Variants in PHACTR3 observed in about 807,000 individuals in gnomAD.
PHACTR3 encodes protein phosphatase 1, regulatory subunit 123.
In PHACTR3, 16 loss-of-function variants were observed where a neutral mutation model predicts 66.8. That is an observed-to-expected ratio of 0.24 (90% confidence interval 0.16 to 0.36). The LOEUF (loss-of-function observed/expected upper bound fraction) is 0.36. Ranked by LOEUF, PHACTR3 falls within the 10% of genes least tolerant of loss-of-function variation. The pLI, the probability that PHACTR3 is intolerant of heterozygous loss-of-function variation, is 1.00. For missense variants in PHACTR3, 647 were observed against 719.9 expected, an observed-to-expected ratio of 0.90 and a Z score of 1.16; for synonymous variants, 323 against 292.1, an observed-to-expected ratio of 1.11 and a Z score of -1.08.
intron 1 of PHACTR3, among the ~76,000 whole-genome samples, chr20:59,590,712 A>G (rs1029147541): frequency 1.3e-5 from 2 of 152,202 alleles, no homozygotes; most frequent in African/African-American, 4.8e-5. Flanking sequence ...TAGAAACAGC[A>G]GAAATTTATT....
At chr20:59,724,707 A>T (rs1405360875) in intron 1 of PHACTR3, among the ~76,000 whole-genome samples, 1 of 152,154 alleles carries the variant, frequency 6.6e-6, no homozygotes, top group Non-Finnish European at 1.5e-5. Flanking sequence ...AGCTTGAGGC[A>T]TCTCTTTCAG....
intron 1 of PHACTR3, among the ~76,000 whole-genome samples, chr20:59,704,934 C>A (rs2037644809): frequency 1.3e-5 from 2 of 151,280 alleles, no homozygotes; most frequent in African/African-American, 4.9e-5. Flanking sequence ...CCTAGTATGT[C>A]TGTCCTAGTA....
chr20:59,719,281 C>T (rs2038204425), intron 1 of PHACTR3, among the ~76,000 whole-genome samples: 1 of 152,160 alleles, frequency 6.6e-6, no homozygotes, highest in African/African-American at 2.4e-5. Flanking sequence ...TTCTCTGCCT[C>T]AGCCTCCCGA....
intron 11 of PHACTR3, among the ~76,000 whole-genome samples, chr20:59,842,733 T>C (rs184671376): frequency 5.8e-4 from 88 of 152,316 alleles, no homozygotes; most frequent in African/African-American, 1.9e-3. Flanking sequence ...AGTTTACTCA[T>C]TATCTTGGTG....
At chr20:59,837,373 A>G (rs2058984960) in intron 9 of PHACTR3, among the ~76,000 whole-genome samples, 1 of 152,146 alleles carries the variant, frequency 6.6e-6, no homozygotes, top group Non-Finnish European at 1.5e-5. Context: ...TGAAGTTATA[A>G]TGGTACCAAG....
At chr20:59,833,381 A>T (rs1006796818) in intron 8 of PHACTR3, among the ~76,000 whole-genome samples, 1 of 152,256 alleles carries the variant, frequency 6.6e-6, no homozygotes, top group African/African-American at 2.4e-5. Context: ...TTTTCTGGGA[A>T]CATGGTCCGC....
intron 1 of PHACTR3, among the ~76,000 whole-genome samples, chr20:59,648,394 C>T (rs964728897): frequency 6.6e-6 from 1 of 152,148 alleles, no homozygotes; most frequent in African/African-American, 2.4e-5. Flanking sequence ...AATCACATGG[C>T]CTGATTGGGC....
In PHACTR3 at chr20:59,719,287, C is replaced by A. The variant is rs2038204995; in HGVS notation, c.119-23820C>A. 1.3e-5 allele frequency among the ~76,000 whole-genome samples: 2 copies of A among 152,134 alleles called. 1 individual carries two copies. Among genetic ancestry groups the A allele is most frequent in the South Asian group, 4.1e-4 (2 of 4,826 alleles). ...TTCAAGCAATTCTCTGCCTCAGCCT[C>A]CCGAGTAGCTGGGATTACAGGCGCC... On this transcript the variant is annotated intron_variant, in intron 1 of 12. Coordinates refer to ENST00000371015, the MANE Select transcript of PHACTR3 (RefSeq NM_080672.5).
Position 59,847,382 on chromosome 20 carries a change from T to C in PHACTR3, c.*252T>C, listed in dbSNP as rs1414837412. The stretch of plus-strand genomic sequence containing the variant: ...GGTCAGTTAAGACCCAACATAACTC[T>C]ATCAGAAGAAAACTGTTGTTTGCCT... On this transcript the variant is annotated 3_prime_UTR_variant, in exon 13 of 13. Coordinates refer to ENST00000371015, the MANE Select transcript of PHACTR3 (RefSeq NM_080672.5). 1 of 364,584 alleles carries C rather than the reference T, an allele frequency of 2.7e-6. No individual in the cohort carries two copies. The highest frequency in any genetic ancestry group is 3.7e-5 in the East Asian group (1 of 27,282). 22.6% of individuals were successfully genotyped at this position (364,584 alleles called of 1,614,324 possible). A position where few individuals can be genotyped will look rare whatever the true frequency, so the allele number is the denominator to read the frequency against.
intron 7 of PHACTR3, among the ~76,000 whole-genome samples, chr20:59,782,597 G>C (rs2040760725): frequency 6.6e-6 from 1 of 152,158 alleles, no homozygotes; most frequent in African/African-American, 2.4e-5. Flanking sequence ...GCCTGGGGAG[G>C]CCTCACAATC....
intron 7 of PHACTR3, among the ~76,000 whole-genome samples, chr20:59,803,831 GA>G (rs762304423): frequency 3.9e-5 from 6 of 152,186 alleles, no homozygotes; most frequent in Non-Finnish European, 7.4e-5. Flanking sequence ...CAGACTCCTA[GA>G]AGTGGGATTT....
chr20:59,652,370 C>G (rs922607120), intron 1 of PHACTR3, among the ~76,000 whole-genome samples: 2 of 152,016 alleles, frequency 1.3e-5, no homozygotes, highest in African/African-American at 4.8e-5. Flanking sequence ...ATAACAAGAC[C>G]CCATCTCTGA....
At chr20:59,665,740 A>G (rs2035963653) in intron 1 of PHACTR3, among the ~76,000 whole-genome samples, 1 of 152,130 alleles carries the variant, frequency 6.6e-6, no homozygotes, top group Non-Finnish European at 1.5e-5. Context: ...CTGGAGGCTC[A>G]GGAGATGAAG....
At chr20:59,802,203 G>A (rs1250175098) in intron 7 of PHACTR3, among the ~76,000 whole-genome samples, 2 of 152,180 alleles carry the variant, frequency 1.3e-5, no homozygotes, top group African/African-American at 4.8e-5. Flanking sequence ...TCAGGAGGGA[G>A]GTGGTGTCTG....
At chr20:59,735,365 C>T (rs538070792) in intron 1 of PHACTR3, among the ~76,000 whole-genome samples, 32 of 152,128 alleles carry the variant, frequency 2.1e-4, no homozygotes, top group Non-Finnish European at 3.7e-4. Flanking sequence ...ATAAAACAAA[C>T]AAGGAAAAAA....
chr20:59,651,256 CCATTA>C (rs771532227), intron 1 of PHACTR3, among the ~76,000 whole-genome samples: 3 of 152,130 alleles, frequency 2.0e-5, no homozygotes, highest in African/African-American at 7.2e-5. Flanking sequence ...ATACATCCTC[CCATTA>C]CATTACATTT....
intron 7 of PHACTR3, among the ~76,000 whole-genome samples, chr20:59,789,286 T>C (rs1007196977): frequency 6.6e-6 from 1 of 152,062 alleles, no homozygotes; most frequent in East Asian, 1.9e-4. Flanking sequence ...AGCTGGAGTT[T>C]GTAGGACAGG....
At chr20:59,700,472 A>G (rs2037461414) in intron 1 of PHACTR3, among the ~76,000 whole-genome samples, 1 of 152,246 alleles carries the variant, frequency 6.6e-6, no homozygotes, top group Admixed American at 6.5e-5. Flanking sequence ...CTGCAAAGAT[A>G]TTATATCAAC....
rs746249482 is a variant in PHACTR3, at chr20:59,674,203, G to A, written c.119-68904G>A. 3.1e-4 allele frequency among the ~76,000 whole-genome samples: 45 copies of A among 145,698 alleles called. 1 individual carries two copies. Among genetic ancestry groups the A allele is most frequent in the Non-Finnish European group, 5.0e-4 (34 of 67,944 alleles). On this transcript the variant is annotated intron_variant, in intron 1 of 12. Transcript: ENST00000371015. ...GTCTTCTAACAGGTGGAAACAACTT[G>A]TCAAGACAGCCTGTGGCTGCTGCGT...
Sources: allele counts gnomAD v4.1 joint callset (sites outside exome capture counted in the v4.1 genomes callset), GRCh38; gene constraint gnomAD v4.1.1; transcripts MANE v1.5; gene names NCBI Gene and HGNC (gene_info 2026-07-23, HGNC 2026-07-21).